Variants in TRIO observed in about 807,000 individuals in gnomAD.
TRIO encodes the protein triple functional domain protein.
A neutral mutation model predicts 351.9 loss-of-function variants in TRIO; 58 were observed. That is an observed-to-expected ratio of 0.16 (90% CI 0.13 to 0.21). The LOEUF is 0.21. Ranked by LOEUF, TRIO falls within the 10% of genes least tolerant of loss-of-function variation. The probability of loss-of-function intolerance (pLI) is 1.00; values close to 1 mark genes in which losing one functional copy is unlikely to be tolerated. For synonymous variants in TRIO, 1,758 were observed against 1,595.7 expected (o/e 1.10, Z -2.42); for missense variants, 3,201 against 4,027.8 (o/e 0.79, Z 5.56).
At chr5:14,196,853 T>C (rs1488931426) in intron 1 of TRIO, among the ~76,000 whole-genome samples, 1 of 152,208 alleles carries the variant, frequency 6.6e-6, no homozygotes, top group African/African-American at 2.4e-5. Flanking sequence ...TAAATTTGCA[T>C]ATGCCATTCG....
intron 13 of TRIO, among the ~76,000 whole-genome samples, chr5:14,363,324 G>C (rs1326233764): frequency 6.6e-6 from 1 of 152,112 alleles, no homozygotes; most frequent in Non-Finnish European, 1.5e-5. Flanking sequence ...TTCTAGTGGA[G>C]ACCAAATACT....
chr5:14,261,511 G>A (rs1203622854), intron 1 of TRIO, among the ~76,000 whole-genome samples: 1 of 152,226 alleles, frequency 6.6e-6, no homozygotes, highest in Admixed American at 6.5e-5. Context: ...CAGCTTTGAG[G>A]TGTGTAGAGT....
At chr5:14,417,601 C>T (rs1400597467) in intron 33 of TRIO, among the ~76,000 whole-genome samples, 1 of 152,176 alleles carries the variant, frequency 6.6e-6, no homozygotes, top group African/African-American at 2.4e-5. Flanking sequence ...GCCATTTCCT[C>T]CTCCCTTCTC....
chr5:14,503,801 CAT>C (rs1164662416), intron 54 of TRIO, among the ~76,000 whole-genome samples: 3 of 152,242 alleles, frequency 2.0e-5, no homozygotes, highest in African/African-American at 7.2e-5. Context: ...CTGGTCCTCA[CAT>C]GTGCAGAATG....
Position 14,418,203 on chromosome 5 carries a change from A to G in TRIO, c.4960-1575A>G, listed in dbSNP as rs552454372. Among the ~76,000 whole-genome samples the G allele has an allele frequency of 5.3e-4, 81 of 152,292 alleles. 1 individual carries two copies. Among genetic ancestry groups the G allele is most frequent in the African/African-American group, 1.8e-3 (76 of 41,574 alleles). ...AAGAGGGATGGTATGGGCTACTTAC[A>G]GGCAGGACCCCTCAGGAGGAGGAGG... On this transcript the variant is annotated intron_variant, in intron 33 of 56. Coordinates refer to ENST00000344204, the MANE Select transcript of TRIO (RefSeq NM_007118.4).
At position 14,332,713 on chromosome 5, in the gene TRIO, T is replaced by C. The variant is rs78928341; in HGVS notation, c.1854+1813T>C. 9.5e-3 allele frequency among the ~76,000 whole-genome samples: 1,440 copies of C among 152,320 alleles called. 22 individuals are homozygous for C. Among genetic ancestry groups the C allele is most frequent in the African/African-American group, 0.033 (1,371 of 41,566 alleles). ...TAAAAATACTTCCAAAATTTACCAA[T>C]ATGACTCCACTGCTTTCTGATTGCA... is the stretch of plus-strand genomic sequence containing the variant. On this transcript the variant is annotated intron_variant, in intron 10 of 56. Coordinates refer to ENST00000344204, the MANE Select transcript of TRIO (RefSeq NM_007118.4).
chr5:14,416,120 G>T (rs1323262778), intron 33 of TRIO, among the ~76,000 whole-genome samples: 2 of 149,940 alleles, frequency 1.3e-5, no homozygotes, highest in Admixed American at 1.3e-4. Flanking sequence ...AAATAAAATG[G>T]TAACTCTTTC....
At chr5:14,398,809 AT>A in intron 29 of TRIO, 70 bp from the exon 30 acceptor site, 1 of 1,439,132 alleles carries the variant, frequency 6.9e-7, no homozygotes, top group Non-Finnish European at 9.5e-7. Context: ...GAAAATACTA[AT>A]AATGCTTTCT....
chr5:14,426,854 G>A (rs1190525536), intron 34 of TRIO, among the ~76,000 whole-genome samples: 2 of 152,130 alleles, frequency 1.3e-5, no homozygotes, highest in Non-Finnish European at 2.9e-5. Flanking sequence ...TCTTGTTGTC[G>A]AGTTCTGGGT....
intron 28 of TRIO, among the ~76,000 whole-genome samples, chr5:14,394,905 A>AT (rs1399886718): frequency 2.0e-5 from 3 of 152,202 alleles, no homozygotes; most frequent in Non-Finnish European, 4.4e-5. Flanking sequence ...AAATTGACAG[A>AT]TTTTGTCTGG....
intron 19 of TRIO, among the ~76,000 whole-genome samples, chr5:14,377,225 A>T (rs1477408138): frequency 6.8e-6 from 1 of 147,754 alleles, no homozygotes. Context: ...TTCCTCTCCT[A>T]AGGGGTTATG....
At chr5:14,440,663 G>A (rs1751955279) in intron 34 of TRIO, among the ~76,000 whole-genome samples, 1 of 152,234 alleles carries the variant, frequency 6.6e-6, no homozygotes, top group African/African-American at 2.4e-5. Flanking sequence ...TTACAGCACA[G>A]TGATGTAACC....
At chr5:14,319,525 A>G (rs1739678195) in intron 9 of TRIO, among the ~76,000 whole-genome samples, 1 of 152,234 alleles carries the variant, frequency 6.6e-6, no homozygotes, top group Non-Finnish European at 1.5e-5. Context: ...GAAGGACGTT[A>G]CCAGCAGAAG....
chr5:14,398,432 T>G (rs1225762066), intron 29 of TRIO, among the ~76,000 whole-genome samples: 1 of 152,014 alleles, frequency 6.6e-6, no homozygotes, highest in African/African-American at 2.4e-5. Flanking sequence ...GCAGAGTGTC[T>G]GGGAAGGATG....
chr5:14,502,606 C>T lies in TRIO; in HGVS notation c.8360C>T (p.Thr2787Ile), dbSNP rs763250311. 2.5e-6 allele frequency: 4 copies of T among 1,614,166 alleles called. No individual in the cohort carries two copies. The highest frequency in any genetic ancestry group is 2.2e-5 in the East Asian group (1 of 44,866). The stretch of plus-strand genomic sequence containing the variant: ...CCAGGGATGGATGGGATCATGGTGA[C>T]CTGGAAAGACAACTTTGACTCCTTC... ...LGPGMDGIMV[T>I]WKDNFDSFYS... The change falls in exon 54 of 57, where the codon ACC (threonine) becomes ATC (isoleucine). Residue 2787 changes from threonine (T) to isoleucine (I), a missense_variant. By Grantham distance (89) the Thr-to-Ile change is moderately conservative (BLOSUM62 -1). Coordinates refer to ENST00000344204, the MANE Select transcript of TRIO (RefSeq NM_007118.4).
At chr5:14,363,960 GATTTCTTCATGTCGTC>G in intron 14 of TRIO, 33 bp downstream of exon 14, 1 of 1,579,846 alleles carries the variant, frequency 6.3e-7, no homozygotes, top group Non-Finnish European at 8.6e-7. Flanking sequence ...TGTCCGTTGT[GATTTCTTCATGTCGTC>G]ATGGCAATTC....
At chr5:14,474,277 C>T (rs947335693) in intron 40 of TRIO, among the ~76,000 whole-genome samples, 180 bp downstream of exon 40, 2 of 152,170 alleles carry the variant, frequency 1.3e-5, no homozygotes, top group South Asian at 2.1e-4. Flanking sequence ...TTTGGTGGCA[C>T]GGAGAGAGTC....
Position 14,488,024 on chromosome 5 carries a change from C to G in TRIO, c.7396C>G (p.Pro2466Ala), listed in dbSNP as rs567279839. ...GAACTCGCCGCTCTCCAGCGCGGTC[C>G]CTTCTCTCGGCAAGGAGCCCTTCCC... ...PLNSPLSSAV[P>A]SLGKEPFPPS... is the part of the protein sequence containing the mutation. Residue 2466 changes from proline (P) to alanine (A), a missense_variant, in exon 48 of 57, where the codon CCT becomes GCT. Pro to Ala is a conservative substitution (Grantham distance 27). Transcript: ENST00000344204. 1 of 1,599,832 alleles carries G rather than the reference C, an allele frequency of 6.3e-7. No individual in the cohort carries two copies. Among genetic ancestry groups the G allele is most frequent in the African/African-American group, 1.3e-5 (1 of 74,604 alleles).
intron 9 of TRIO, among the ~76,000 whole-genome samples, chr5:14,319,689 C>T (rs180908389): frequency 4.6e-5 from 7 of 152,154 alleles, no homozygotes; most frequent in Admixed American, 3.3e-4. Context: ...GAACAATAGG[C>T]GAGGCATGGA....
Sources: gnomAD v4.1 joint callset for allele counts (sites outside exome capture counted in the v4.1 genomes callset) on GRCh38, gnomAD v4.1.1 for gene constraint, MANE v1.5 for transcripts, NCBI Gene and HGNC (gene_info 2026-07-23, HGNC 2026-07-21) for gene names.